SLCO1B1: variants seen among roughly 807,000 people sequenced by gnomAD.
SLCO1B1 encodes solute carrier organic anion transporter family member 1B1.
SLCO1B1 carries 81 observed loss-of-function variants against 70.1 expected under a neutral mutation model. That is an observed-to-expected ratio of 1.16 (90% CI 0.97 to 1.39). The LOEUF (loss-of-function observed/expected upper bound fraction) is 1.39, where lower values mean the gene tolerates loss of function less well. SLCO1B1 is among the 40% of genes most tolerant of loss of function. The pLI is 0.00. For missense variants in SLCO1B1, 895 were observed against 799.6 expected (o/e 1.12, Z -1.44); for synonymous variants, 283 against 271.5 (o/e 1.04, Z -0.42).
Position 21,217,186 on chromosome 12 carries a change from G to A in SLCO1B1, c.1565G>A (p.Gly522Asp). The change falls in exon 12 of 15, where the codon GGT (glycine) becomes GAT (aspartate). Residue 522 changes from glycine to aspartate, a missense_variant. Physicochemically the swap from Gly to Asp is moderately conservative, Grantham distance 94 (BLOSUM62 -1). Coordinates refer to ENST00000256958, the MANE Select transcript of SLCO1B1 (RefSeq NM_006446.5). ...AACAGAAATTACTCAGCCCATTTGGGTGAATGCCCAAGAGATGATGCTTGT... is the reference window on the plus strand; with the variant it reads ...AACAGAAATTACTCAGCCCATTTGGATGAATGCCCAAGAGATGATGCTTGT... ...LQNRNYSAHLGECPRDDACTR... is the reference protein window; with the variant it reads ...LQNRNYSAHLDECPRDDACTR... The A allele has an allele frequency of 6.2e-7, 1 of 1,613,742 alleles. No homozygotes were observed. The highest frequency in any genetic ancestry group is 8.5e-7 in the Non-Finnish European group (1 of 1,179,720).
intron 3 of SLCO1B1, 99 bp downstream of exon 3, chr12:21,172,890 C>A: frequency 1.7e-6 from 2 of 1,165,840 alleles, no homozygotes; most frequent in Non-Finnish European, 2.5e-6. Context: ...TTATCTCTCA[C>A]AGGCAATTTG....
chr12:21,172,869 C>A (rs981844159), intron 3 of SLCO1B1, 78 bp downstream of exon 3: 3 of 1,353,714 alleles, frequency 2.2e-6, no homozygotes, highest in East Asian at 4.9e-5. Context: ...TGGTTATCAA[C>A]TGGGGTAAAT....
Position 21,176,778 on chromosome 12 carries a change from AC to A in SLCO1B1, c.363del (p.Tyr121Ter). On this transcript the variant is annotated frameshift_variant, in exon 5 of 15. Transcript: ENST00000256958. LOFTEE classifies it high-confidence loss of function. The stretch of plus-strand genomic sequence containing the variant: ...TTAATTCAGTGATGTTCTTACAGTT[AC>A]AGGTATTCTAAAGAAACTAATATCA... ...TALPHFFMGY[Y>X]RYSKETNINS... is the part of the protein sequence containing the mutation. 1 of 1,530,388 alleles carries A rather than the reference AC, an allele frequency of 6.5e-7. No homozygotes were observed. Among genetic ancestry groups the A allele is most frequent in the Non-Finnish European group, 9.0e-7 (1 of 1,105,464 alleles). 94.8% of individuals were successfully genotyped at this position (1,530,388 alleles called of 1,614,324 possible).
At chr12:21,153,204 A>G (rs1940497055) in intron 2 of SLCO1B1, among the ~76,000 whole-genome samples, 2 of 152,124 alleles carry the variant, frequency 1.3e-5, no homozygotes. Context: ...TCTTGTTGTT[A>G]CTATAAAATG....
chr12:21,194,285 G>T (rs1034870640), intron 7 of SLCO1B1, among the ~76,000 whole-genome samples: 1 of 152,100 alleles, frequency 6.6e-6, no homozygotes, highest in Non-Finnish European at 1.5e-5. Context: ...CCAAAGTGCT[G>T]GGATGACAGG....
chr12:21,166,729 G>A (rs1338725313), intron 2 of SLCO1B1, among the ~76,000 whole-genome samples: 1 of 152,130 alleles, frequency 6.6e-6, no homozygotes, highest in Non-Finnish European at 1.5e-5. Flanking sequence ...TATTCTAATA[G>A]TTTCTTACAA....
chr12:21,139,122 G>A (rs3829310), intron 1 of SLCO1B1, among the ~76,000 whole-genome samples: 123,834 of 152,034 alleles, frequency 0.81, 53,103 homozygotes, highest in South Asian at 0.96. Flanking sequence ...AAAGAAAATC[G>A]AAGCCTAAAA....
chr12:21,133,628 C>T (rs1219787601), intron 1 of SLCO1B1, among the ~76,000 whole-genome samples: 3 of 152,014 alleles, frequency 2.0e-5, no homozygotes, highest in African/African-American at 7.3e-5. Context: ...ATTTGGCTCT[C>T]TGTTTGTCTG....
intron 10 of SLCO1B1, among the ~76,000 whole-genome samples, chr12:21,205,105 T>C (rs1941200118): frequency 6.6e-6 from 1 of 151,920 alleles, no homozygotes; most frequent in African/African-American, 2.4e-5. Flanking sequence ...AATTATGTGC[T>C]CATTCAAAGA....
intron 2 of SLCO1B1, among the ~76,000 whole-genome samples, chr12:21,158,478 G>T (rs560299757): frequency 6.6e-6 from 1 of 152,202 alleles, no homozygotes; most frequent in Non-Finnish European, 1.5e-5. Context: ...GGCAGATCAC[G>T]AGCTCAGGAG....
At chr12:21,175,054 T>C (rs1940803663) in intron 4 of SLCO1B1, among the ~76,000 whole-genome samples, 1 of 152,176 alleles carries the variant, frequency 6.6e-6, no homozygotes, top group Non-Finnish European at 1.5e-5. Context: ...CACTGAAGTA[T>C]AGTTGTTCCC....
intron 2 of SLCO1B1, among the ~76,000 whole-genome samples, chr12:21,158,597 G>A (rs1416426245): frequency 6.6e-6 from 1 of 152,076 alleles, no homozygotes; most frequent in African/African-American, 2.4e-5. Flanking sequence ...AGGAGGCTGA[G>A]GTGAGAGAAT....
At chr12:21,143,835 G>T (rs1308650439) in intron 2 of SLCO1B1, among the ~76,000 whole-genome samples, 5 of 152,054 alleles carry the variant, frequency 3.3e-5, no homozygotes, top group African/African-American at 9.6e-5. Flanking sequence ...TTATCTTAAG[G>T]TTAAATTATT....
rs960767656 is a variant in SLCO1B1 at position 21,239,649 on chromosome 12, G to T, written c.*460G>T. Among the ~76,000 whole-genome samples the T allele has an allele frequency of 3.3e-5, 5 of 152,092 alleles. No homozygotes were observed. The highest frequency in any genetic ancestry group is 1.2e-4 in the African/African-American group (5 of 41,414). On this transcript the variant is annotated 3_prime_UTR_variant, in exon 15 of 15. Coordinates refer to ENST00000256958, the MANE Select transcript of SLCO1B1 (RefSeq NM_006446.5). ...ATACTAAGGCCTGAAGTCTAGCTTGGATATATGCTACAATAATATCTGTTA... is the reference window on the plus strand; with the variant it reads ...ATACTAAGGCCTGAAGTCTAGCTTGTATATATGCTACAATAATATCTGTTA...
intron 14 of SLCO1B1, among the ~76,000 whole-genome samples, chr12:21,231,432 C>A (rs527538770): frequency 5.7e-4 from 87 of 152,174 alleles, no homozygotes; most frequent in Non-Finnish European, 1.1e-3. Context: ...GAAATCAGAG[C>A]TTTTTCCCAA....
Position 21,233,256 on chromosome 12 carries a change from T to G in SLCO1B1, c.1866-5723T>G, listed in dbSNP as rs1026917638. Among the ~76,000 whole-genome samples the G allele has an allele frequency of 3.3e-5, 5 of 152,126 alleles. No homozygotes were observed. The South Asian group carries it at 1.0e-3, about 32-fold the overall frequency. ...TGAGCTTCCTTCAGGACTCACTGAA[T>G]GTGACCAGACAAATAATGAGGGTTT... On this transcript the variant is annotated intron_variant, in intron 14 of 14. Coordinates refer to ENST00000256958, the MANE Select transcript of SLCO1B1 (RefSeq NM_006446.5).
At chr12:21,163,638 G>A (rs142884463) in intron 2 of SLCO1B1, among the ~76,000 whole-genome samples, 95 of 152,224 alleles carry the variant, frequency 6.2e-4, no homozygotes, top group African/African-American at 2.2e-3. Flanking sequence ...AGTATGGTTA[G>A]CTTCTGGTGA....
intron 2 of SLCO1B1, among the ~76,000 whole-genome samples, chr12:21,143,921 T>C (rs1164423881): frequency 6.6e-6 from 1 of 152,094 alleles, no homozygotes; most frequent in Non-Finnish European, 1.5e-5. Flanking sequence ...TGTTACTGAC[T>C]TACATATACA....
At chr12:21,228,087 C>G (rs944215231) in intron 14 of SLCO1B1, among the ~76,000 whole-genome samples, 1 of 151,936 alleles carries the variant, frequency 6.6e-6, no homozygotes, top group African/African-American at 2.4e-5. Context: ...ATGCTCATCC[C>G]AAGACTTTAA....
Sources: allele counts gnomAD v4.1 joint callset (sites outside exome capture counted in the v4.1 genomes callset), GRCh38; gene constraint gnomAD v4.1.1; transcripts MANE v1.5; gene names NCBI Gene and HGNC (gene_info 2026-07-23, HGNC 2026-07-21).